Variants in MTFR2 observed in about 807,000 individuals in gnomAD.
MTFR2 encodes the protein mitochondrial fission regulator 2.
MTFR2 carries 44 observed loss-of-function variants against 41.2 expected under a neutral mutation model. The ratio of observed to expected loss-of-function variants is 1.07; its 90% CI spans 0.84 to 1.37. The LOEUF is 1.37. MTFR2 is among the 40% of genes most tolerant of loss of function. MTFR2 has a pLI of 0.00. For synonymous variants in MTFR2, 141 were observed against 154.6 expected (o/e 0.91, Z 0.65); for missense variants, 452 against 459.5 (o/e 0.98, Z 0.15).
At chr6:136,245,400 C>G (rs887579454) in intron 2 of MTFR2, among the ~76,000 whole-genome samples, 6 of 152,108 alleles carry the variant, frequency 3.9e-5, no homozygotes, top group African/African-American at 1.2e-4. Context: ...TGGCAGTCAG[C>G]TCTTGAAAAG....
At chr6:136,238,286 G>A (rs1779958548) in intron 6 of MTFR2, among the ~76,000 whole-genome samples, 1 of 152,182 alleles carries the variant, frequency 6.6e-6, no homozygotes, top group South Asian at 2.1e-4. Context: ...GATAAATGCT[G>A]CATGATTCAC....
At chr6:136,240,558 T>G (rs1310542295) in intron 5 of MTFR2, among the ~76,000 whole-genome samples, 1 of 152,184 alleles carries the variant, frequency 6.6e-6, no homozygotes, top group Non-Finnish European at 1.5e-5. Context: ...CCTAGATTGC[T>G]TTACATTTTA....
At position 136,241,465 on chromosome 6, in the gene MTFR2, G is replaced by C. The variant is rs545808900; in HGVS notation, c.493C>G (p.Leu165Val). The C allele has an allele frequency of 3.8e-4, 610 of 1,613,308 alleles. 13 individuals carry two copies. The South Asian group carries it at 6.4e-3, about 17-fold the overall frequency. ...TTACTAGAATTTGTACTATTTTTCA[G>C]TTCCTGCATTTCCACAATTGCTGCA... ...QIAAIVEMQE[L>V]KNSTNSSSFG... The change falls in exon 5 of 8, where the codon CTG (leucine) becomes GTG (valine). Residue 165 changes from leucine (L) to valine (V), a missense_variant. Leu to Val is a conservative substitution (Grantham distance 32). Coordinates refer to ENST00000420702, the MANE Select transcript of MTFR2 (RefSeq NM_001099286.3).
intron 2 of MTFR2, among the ~76,000 whole-genome samples, chr6:136,248,463 T>TC (rs1370887646): frequency 2.6e-5 from 4 of 152,154 alleles, no homozygotes; most frequent in Admixed American, 1.3e-4. Flanking sequence ...AAACAGGAGT[T>TC]CCCCTGCACA....
At chr6:136,241,369 A>G in intron 5 of MTFR2, 75 bp downstream of exon 5, 2 of 1,172,892 alleles carry the variant, frequency 1.7e-6, no homozygotes, top group Non-Finnish European at 2.4e-6. Flanking sequence ...TCAGTACAGT[A>G]TCATGCTGTA....
In MTFR2 at chr6:136,244,830, T is replaced by C. The variant is rs1200266334; in HGVS notation, c.103A>G (p.Arg35Gly). The change falls in exon 3 of 8, where the codon AGG becomes GGG. Residue 35 changes from arginine (R) to glycine (G), a missense_variant. Transcript: ENST00000420702. The part of the protein sequence containing the change: ...IWENKDYGST[R>G]SIVRIIGKML... ...TTCCCAATAATACGAACAATACTCCTAGTTGATCCATAGTCTTTATTTTCC... is the reference window on the plus strand; with the variant it reads ...TTCCCAATAATACGAACAATACTCCCAGTTGATCCATAGTCTTTATTTTCC... 3 of 1,612,382 alleles carry C rather than the reference T, an allele frequency of 1.9e-6. No individual in the cohort carries two copies. The highest frequency in any genetic ancestry group is 2.5e-6 in the Non-Finnish European group (3 of 1,179,512).
rs770045581 is a variant in MTFR2 at position 136,239,468 on chromosome 6, C to T, written c.867G>A (p.Glu289=). 1 of 1,589,580 alleles carries T rather than the reference C, an allele frequency of 6.3e-7. No homozygotes were observed. The highest frequency in any genetic ancestry group is 1.1e-5 in the South Asian group (1 of 88,308). Residue 289 remains glutamate, a splice_region_variant and synonymous_variant, in exon 6 of 8, where the codon GAG becomes GAA. Transcript: ENST00000420702. ...DMNKVKLRAI[E]RSPGGRPIHK... is the part of the protein sequence containing the mutation. ...CTTTTCAAATTACAACAACATACCG[C>T]TCAATTGCACGAAGCTTAACCTTAT...
At position 136,233,404 on chromosome 6, in the gene MTFR2, G is replaced by A. The variant is rs1441854397; in HGVS notation, c.965C>T (p.Ala322Val). The change falls in exon 7 of 8, where the codon GCA (alanine) becomes GTA (valine). Residue 322 changes from alanine (A) to valine (V), a missense_variant. Transcript: ENST00000420702. ...LISHALKQKFAFQEDDSFEKE... is the reference protein window; with the variant it reads ...LISHALKQKFVFQEDDSFEKE... ...CTCAAAAGAATCATCTTCTTGAAATGCAAATTTCTGTTTAAGTGCATGAGA... is the reference window on the plus strand; with the variant it reads ...CTCAAAAGAATCATCTTCTTGAAATACAAATTTCTGTTTAAGTGCATGAGA... 1.2e-6 allele frequency: 2 copies of A among 1,611,426 alleles called. No individual in the cohort carries two copies. The highest frequency in any genetic ancestry group is 1.7e-5 in the Admixed American group (1 of 59,956).
At chr6:136,249,265 C>G in intron 1 of MTFR2, 112 bp from the exon 2 acceptor site, 1 of 520,346 alleles carries the variant, frequency 1.9e-6, no homozygotes, top group Non-Finnish European at 3.3e-6. Flanking sequence ...TTTCTCCTAG[C>G]CAGCATTCTT....
At chr6:136,246,599 T>C (rs1476757273) in intron 2 of MTFR2, among the ~76,000 whole-genome samples, 1 of 152,118 alleles carries the variant, frequency 6.6e-6, no homozygotes, top group Non-Finnish European at 1.5e-5. Context: ...ACCATTCTTA[T>C]TATTTCATCT....
At chr6:136,234,444 G>T (rs1372525238) in intron 6 of MTFR2, among the ~76,000 whole-genome samples, 3 of 152,084 alleles carry the variant, frequency 2.0e-5, no homozygotes, top group East Asian at 1.9e-4. Context: ...ATGACAAGGG[G>T]TCAGTTTTAG....
intron 1 of MTFR2, 130 bp from the exon 2 acceptor site, chr6:136,249,283 A>G (rs1161828820): frequency 2.0e-5 from 10 of 511,762 alleles, no homozygotes; most frequent in Non-Finnish European, 3.0e-5. Flanking sequence ...CTTTTAAGTC[A>G]GAGAAAAAGA....
chr6:136,235,624 C>T (rs1233385105), intron 6 of MTFR2, among the ~76,000 whole-genome samples: 1 of 152,074 alleles, frequency 6.6e-6, no homozygotes, highest in Non-Finnish European at 1.5e-5. Context: ...GTATGCTTTC[C>T]CAGAAACCAA....
chr6:136,242,523 C>T (rs1780107037), intron 4 of MTFR2, among the ~76,000 whole-genome samples: 1 of 152,132 alleles, frequency 6.6e-6, no homozygotes, highest in African/African-American at 2.4e-5. Context: ...TAAAGTAATA[C>T]TCCCTAGGAG....
chr6:136,239,652 G>A lies in MTFR2; in HGVS notation c.683C>T (p.Pro228Leu), dbSNP rs749920087. The A allele has an allele frequency of 1.9e-6, 3 of 1,614,014 alleles. No homozygotes were observed. The highest frequency in any genetic ancestry group is 1.7e-5 in the Admixed American group (1 of 60,008). Residue 228 changes from proline (P) to leucine (L), a missense_variant, in exon 6 of 8, where the codon CCC becomes CTC. Transcript: ENST00000420702. The stretch of plus-strand genomic sequence containing the variant: ...AATATTATTAGATCCTGGTTGTACG[G>A]GAGGAAAACACGGTGGCTGGAGAGA... ...FSSLQPPCFP[P>L]VQPGSNNICD...
intron 2 of MTFR2, chr6:136,248,737 C>A: frequency 3.0e-6 from 1 of 337,896 alleles, no homozygotes; most frequent in Non-Finnish European, 5.3e-6. Flanking sequence ...TTATAAATTA[C>A]CTTGAATAGA....
Position 136,233,497 on chromosome 6 carries a change from G to C in MTFR2, c.872C>G (p.Ser291Ter), listed in dbSNP as rs138524558. The C allele has an allele frequency of 1.1e-4, 157 of 1,471,752 alleles. No homozygotes were observed. The highest frequency in any genetic ancestry group is 1.4e-4 in the Non-Finnish European group (152 of 1,103,556). The allele number at this position is 1,471,752 out of a possible 1,614,324, so 91.2% of individuals were successfully genotyped here. A position where few individuals can be genotyped will look rare whatever the true frequency, so the allele number is the denominator to read the frequency against. ...NKVKLRAIER[S>*]PGGRPIHKRK... Reference sequence around the variant, plus strand: ...CTTATGAATGGGTCTACCGCCAGGTGACCTATTTTTTAAAAAAAAAAATTG... The same window carrying C: ...CTTATGAATGGGTCTACCGCCAGGTCACCTATTTTTTAAAAAAAAAAATTG... The change falls in exon 7 of 8, where the codon TCA (serine) becomes TGA (stop). Residue 291 changes from serine to a stop codon, truncating the protein, a stop_gained and splice_region_variant. Coordinates refer to ENST00000420702, the MANE Select transcript of MTFR2 (RefSeq NM_001099286.3). LOFTEE classifies it high-confidence loss of function.
intron 2 of MTFR2, among the ~76,000 whole-genome samples, chr6:136,246,065 C>A (rs1012069315): frequency 1.3e-5 from 2 of 152,100 alleles, no homozygotes; most frequent in South Asian, 2.1e-4. Flanking sequence ...CATTCATCTG[C>A]GTACCCCTGC....
rs369622195 is a variant in MTFR2, at chr6:136,239,466, C to T, written c.869G>A (p.Arg290Gln). The stretch of plus-strand genomic sequence containing the variant: ...CACTTTTCAAATTACAACAACATAC[C>T]GCTCAATTGCACGAAGCTTAACCTT... Reference protein sequence around the residue: ...MNKVKLRAIERSPGGRPIHKR... With the variant: ...MNKVKLRAIEQSPGGRPIHKR... Residue 290 changes from arginine to glutamine, a missense_variant and splice_region_variant, in exon 6 of 8, where the codon CGG becomes CAG. Arg to Gln is a conservative substitution (Grantham distance 43). Transcript: ENST00000420702. The T allele has an allele frequency of 2.2e-5, 34 of 1,579,220 alleles. No homozygotes were observed. Among genetic ancestry groups the T allele is most frequent in the Middle Eastern group, 1.7e-4 (1 of 5,886 alleles).
Sources: allele counts gnomAD v4.1 joint callset (sites outside exome capture counted in the v4.1 genomes callset), GRCh38; gene constraint gnomAD v4.1.1; transcripts MANE v1.5; gene names NCBI Gene and HGNC (gene_info 2026-07-23, HGNC 2026-07-21).